TP53BP1: variants seen among roughly 807,000 people sequenced by gnomAD.
TP53BP1 encodes TP53-binding protein 1.
Under a neutral mutation model 200.8 loss-of-function variants are expected in TP53BP1, and 61 were observed. The ratio of observed to expected loss-of-function variants is 0.30; its 90% CI spans 0.25 to 0.38. The LOEUF is 0.38. TP53BP1 is among the 10% of genes least tolerant of loss of function. The probability of loss-of-function intolerance (pLI) is 1.00; values close to 1 mark genes in which losing one functional copy is unlikely to be tolerated. For synonymous variants in TP53BP1, 822 were observed against 844.3 expected (o/e 0.97, Z 0.46); for missense variants, 2,144 against 2,371.9 (o/e 0.90, Z 2.00).
upstream of TP53BP1, chr15:43,510,621 G>A: frequency 3.9e-6 from 1 of 255,902 alleles, no homozygotes; most frequent in South Asian, 6.2e-5. Context: ...CCTCAGTTCG[G>A]GCGAGGCTGC....
intron 21 of TP53BP1, chr15:43,416,926 T>C (rs578159968): frequency 6.5e-6 from 1 of 152,740 alleles, no homozygotes; most frequent in African/African-American, 2.4e-5. Flanking sequence ...CTGCCTCTCC[T>C]ACCTAATCTT....
chr15:43,420,464 A>G lies in TP53BP1; in HGVS notation c.4522T>C (p.Ser1508Pro), dbSNP rs2045368962. 10 of 1,614,084 alleles carry G rather than the reference A, an allele frequency of 6.2e-6. No homozygotes were observed. The highest frequency in any genetic ancestry group is 8.5e-6 in the Non-Finnish European group (10 of 1,180,058). ...CCGACATCTCGTGTGATTTTCCCAG[A>G]GTAAAAGTAGCCATTGGATGACCAC... ...AKWSSNGYFY[S>P]GKITRDVGAG... Residue 1508 changes from serine to proline, a missense_variant, in exon 21 of 28, where the codon TCT (serine) becomes CCT (proline). Transcript: ENST00000382044.
At chr15:43,465,795 G>GT (rs1434255361) in intron 11 of TP53BP1, among the ~76,000 whole-genome samples, 2 of 130,784 alleles carry the variant, frequency 1.5e-5, no homozygotes, top group African/African-American at 8.5e-5. Flanking sequence ...ACACTGTTTT[G>GT]TTTTTTGTTG....
chr15:43,410,182 C>CT (rs1352919750), intron 24 of TP53BP1, among the ~76,000 whole-genome samples: 1 of 152,194 alleles, frequency 6.6e-6, no homozygotes, highest in African/African-American at 2.4e-5. Context: ...CTGATGAACA[C>CT]TTTATAAGTT....
chr15:43,407,214 T>C lies in TP53BP1; in HGVS notation c.*169A>G. ...AAAAAAACAGATGAAGAAATCCCAG[T>C]TACTACAACCAAAGAGATTCAACAT... On this transcript the variant is annotated 3_prime_UTR_variant, in exon 28 of 28. Coordinates refer to ENST00000382044, the MANE Select transcript of TP53BP1 (RefSeq NM_001141980.3). 1.6e-6 allele frequency: 1 copy of C among 614,808 alleles called. No individual in the cohort carries two copies. The highest frequency in any genetic ancestry group is 3.0e-5 in the Admixed American group (1 of 33,176). 38.1% of individuals were successfully genotyped at this position (614,808 alleles called of 1,614,324 possible).
At chr15:43,444,690 T>A (rs988541612) in intron 14 of TP53BP1, among the ~76,000 whole-genome samples, 3 of 152,198 alleles carry the variant, frequency 2.0e-5, no homozygotes, top group Non-Finnish European at 4.4e-5. Context: ...GCTATACATG[T>A]GAAGTACCTG....
chr15:43,490,754 T>G (rs956745066), intron 4 of TP53BP1, among the ~76,000 whole-genome samples: 1 of 152,174 alleles, frequency 6.6e-6, no homozygotes, highest in Non-Finnish European at 1.5e-5. Context: ...TGCCACTTAC[T>G]AGCAATGTAC....
Position 43,447,365 on chromosome 15 carries a change from C to T in TP53BP1, c.2836+1G>A. On this transcript the variant is annotated splice_donor_variant, in intron 13 of 27. Coordinates refer to ENST00000382044, the MANE Select transcript of TP53BP1 (RefSeq NM_001141980.3). LOFTEE classifies it high-confidence loss of function. ...AATATCATTACTTTTTATTCACTCA[C>T]CAATAGGAGTACTGTGTCTCTTGGG... 2 of 1,597,286 alleles carry T rather than the reference C, an allele frequency of 1.3e-6. No homozygotes were observed. Among genetic ancestry groups the T allele is most frequent in the Non-Finnish European group, 1.7e-6 (2 of 1,175,984 alleles).
intron 10 of TP53BP1, among the ~76,000 whole-genome samples, chr15:43,473,736 T>C (rs2046783258): frequency 6.6e-6 from 1 of 152,194 alleles, no homozygotes; most frequent in Admixed American, 6.5e-5. Context: ...TGCCGATTGG[T>C]GTATTTACAA....
chr15:43,419,310 C>A (rs2045337769), intron 21 of TP53BP1, among the ~76,000 whole-genome samples: 1 of 152,150 alleles, frequency 6.6e-6, no homozygotes, highest in South Asian at 2.1e-4. Flanking sequence ...GGATACATCA[C>A]AAACCTTCCC....
chr15:43,439,549 A>C (rs2045879484), intron 15 of TP53BP1, among the ~76,000 whole-genome samples: 1 of 152,218 alleles, frequency 6.6e-6, no homozygotes, highest in Non-Finnish European at 1.5e-5. Context: ...CAAACAAACA[A>C]AAAATCTCCA....
chr15:43,404,076 C>A lies in TP53BP1; in HGVS notation c.*3307G>T. The A allele has an allele frequency of 1.9e-6, 1 of 524,818 alleles. No individual in the cohort carries two copies. Among genetic ancestry groups the A allele is most frequent in the Admixed American group, 3.3e-5 (1 of 30,202 alleles). 32.5% of individuals were successfully genotyped at this position (524,818 alleles called of 1,614,324 possible). ...CTAACTTCCTCACATCCTCCCCCCTCCTTACTTCCTTGAACTAACCCCCAT... is the reference window on the plus strand; with the variant it reads ...CTAACTTCCTCACATCCTCCCCCCTACTTACTTCCTTGAACTAACCCCCAT... On this transcript the variant is annotated 3_prime_UTR_variant, in exon 28 of 28. Transcript: ENST00000382044.
At chr15:43,489,473 G>T (rs1205432109) in intron 4 of TP53BP1, among the ~76,000 whole-genome samples, 1 of 152,200 alleles carries the variant, frequency 6.6e-6, no homozygotes, top group African/African-American at 2.4e-5. Context: ...AGAAATCAAA[G>T]CAAGATAACA....
At chr15:43,421,220 C>G in intron 19 of TP53BP1, 46 bp from the exon 20 acceptor site, 2 of 1,599,610 alleles carry the variant, frequency 1.3e-6, no homozygotes, top group African/African-American at 1.3e-5. Flanking sequence ...GCTACTGAAT[C>G]TTTTCTTCAC....
At chr15:43,478,598 A>G (rs1458100211) in intron 7 of TP53BP1, among the ~76,000 whole-genome samples, 1 of 152,224 alleles carries the variant, frequency 6.6e-6, no homozygotes, top group Non-Finnish European at 1.5e-5. Context: ...CTTTGGTTAT[A>G]AAAATCACGA....
chr15:43,428,022 T>C lies in TP53BP1; in HGVS notation c.3822A>G (p.Val1274=), dbSNP rs769176847. 1 of 1,605,016 alleles carries C rather than the reference T, an allele frequency of 6.2e-7. No individual in the cohort carries two copies. The highest frequency in any genetic ancestry group is 2.2e-5 in the East Asian group (1 of 44,720). Residue 1274 remains valine, a synonymous_variant, in exon 18 of 28, where the codon GTA becomes GTG. Coordinates refer to ENST00000382044, the MANE Select transcript of TP53BP1 (RefSeq NM_001141980.3). ...YVDGTEVERK[V]TEETEEPIVE... ...GACTCAGAGTATGTATTACCTCAGT[T>C]ACTTTTCTTTCTACTTCTGTTCCAT...
chr15:43,478,796 T>C lies in TP53BP1; in HGVS notation c.788+601A>G, dbSNP rs548407332. Reference sequence around the variant, plus strand: ...AATAAAATAGTCATGTTACTCTTCATAACACCAGAGAGGCTAAGAAGACCT... The same window carrying C: ...AATAAAATAGTCATGTTACTCTTCACAACACCAGAGAGGCTAAGAAGACCT... On this transcript the variant is annotated intron_variant, in intron 7 of 27. Coordinates refer to ENST00000382044, the MANE Select transcript of TP53BP1 (RefSeq NM_001141980.3). 2.6e-4 allele frequency among the ~76,000 whole-genome samples: 40 copies of C among 152,318 alleles called. 1 individual carries two copies. The highest frequency in any genetic ancestry group is 2.5e-3 in the Admixed American group (39 of 15,304).
chr15:43,434,599 G>C (rs2045748263), intron 16 of TP53BP1, among the ~76,000 whole-genome samples: 1 of 152,140 alleles, frequency 6.6e-6, no homozygotes. Flanking sequence ...TTATAAAAGA[G>C]ACCTCAGAGA....
intron 23 of TP53BP1, chr15:43,414,173 A>G (rs1013777583): frequency 1.1e-5 from 5 of 460,784 alleles, no homozygotes; most frequent in Non-Finnish European, 2.2e-5. Flanking sequence ...CGTTATATGA[A>G]CGAGGCTGGA....
Sources: gnomAD v4.1 joint callset for allele counts (sites outside exome capture counted in the v4.1 genomes callset) on GRCh38, gnomAD v4.1.1 for gene constraint, MANE v1.5 for transcripts, NCBI Gene and HGNC (gene_info 2026-07-23, HGNC 2026-07-21) for gene names.